Variants in VPS41 observed in about 807,000 individuals in gnomAD.
The protein encoded by VPS41 is VPS41 subunit of HOPS complex.
VPS41 carries 85 observed loss-of-function variants against 130.9 expected under a neutral mutation model. The observed-to-expected ratio is 0.65, with a 90% confidence interval of 0.55 to 0.78. VPS41 has a LOEUF of 0.78. VPS41 is among the 30% of genes least tolerant of loss of function. VPS41 has a pLI of 0.00. For synonymous variants in VPS41, 335 were observed against 332.9 expected, an observed-to-expected ratio of 1.01 and a Z score of -0.07; for missense variants, 874 against 1,018.7, an observed-to-expected ratio of 0.86 and a Z score of 1.93.
At chr7:38,869,748 CATAAAA>C (rs1786309389) in intron 2 of VPS41, among the ~76,000 whole-genome samples, 1 of 152,054 alleles carries the variant, frequency 6.6e-6, no homozygotes, top group East Asian at 1.9e-4. Context: ...AACAGAAGTT[CATAAAA>C]ATAATCTACT....
chr7:38,764,080 T>C (rs955143739), intron 16 of VPS41, among the ~76,000 whole-genome samples: 1 of 152,220 alleles, frequency 6.6e-6, no homozygotes, highest in Non-Finnish European at 1.5e-5. Flanking sequence ...CACTTTTTAC[T>C]GGGGACAGAC....
chr7:38,783,316 C>A (rs2115907319), intron 10 of VPS41, among the ~76,000 whole-genome samples: 1 of 152,032 alleles, frequency 6.6e-6, no homozygotes, highest in Non-Finnish European at 1.5e-5. Context: ...GCAGGTGGAT[C>A]ACAAGGTCAG....
chr7:38,844,166 A>C (rs1317854597), intron 4 of VPS41, among the ~76,000 whole-genome samples: 1 of 152,248 alleles, frequency 6.6e-6, no homozygotes, highest in Non-Finnish European at 1.5e-5. Flanking sequence ...ACAAGAGTGC[A>C]CAAATGCTCC....
At chr7:38,763,640 T>G in intron 16 of VPS41, 93 bp from the exon 17 acceptor site, 1 of 775,022 alleles carries the variant, frequency 1.3e-6, no homozygotes, top group Non-Finnish European at 2.0e-6. Context: ...ATATTTTTAC[T>G]TTAAAAATGT....
At chr7:38,784,735 C>A (rs1784409210) in intron 10 of VPS41, among the ~76,000 whole-genome samples, 1 of 152,172 alleles carries the variant, frequency 6.6e-6, no homozygotes, top group African/African-American at 2.4e-5. Flanking sequence ...TTGGCAAGAA[C>A]AGAAGTGAGG....
chr7:38,880,162 G>C (rs7776996), intron 2 of VPS41, among the ~76,000 whole-genome samples: 95,641 of 151,930 alleles, frequency 0.63, 31,477 homozygotes, highest in East Asian at 0.89. Flanking sequence ...CAGTGAATGT[G>C]AAATACTAAA....
At chr7:38,731,876 C>A (rs1346130131) in intron 25 of VPS41, among the ~76,000 whole-genome samples, 2 of 152,166 alleles carry the variant, frequency 1.3e-5, no homozygotes, top group African/African-American at 4.8e-5. Context: ...AGATCTCATT[C>A]CAGAAAATAA....
intron 1 of VPS41, among the ~76,000 whole-genome samples, chr7:38,901,901 T>G (rs1465565223): frequency 6.6e-6 from 1 of 152,184 alleles, no homozygotes; most frequent in African/African-American, 2.4e-5. Context: ...TTTTAATGGT[T>G]AAAATGGTAA....
rs562453269 is a variant in VPS41 at position 38,781,836 on chromosome 7, C to T, written c.785-5060G>A. On this transcript the variant is annotated intron_variant, in intron 10 of 28. Coordinates refer to ENST00000310301, the MANE Select transcript of VPS41 (RefSeq NM_014396.4). Reference sequence around the variant, plus strand: ...ATTTTCAAATTCTGATTTCTTACATCACTTTTTAAAGATGTCTTATAGCTC... The same window carrying T: ...ATTTTCAAATTCTGATTTCTTACATTACTTTTTAAAGATGTCTTATAGCTC... Among the ~76,000 whole-genome samples, 6 of 152,302 alleles carry T rather than the reference C, an allele frequency of 3.9e-5. 1 individual carries two copies. Among genetic ancestry groups the T allele is most frequent in the African/African-American group, 1.4e-4 (6 of 41,564 alleles).
chr7:38,874,837 T>A, intron 2 of VPS41, among the ~76,000 whole-genome samples: 1 of 152,168 alleles, frequency 6.6e-6, no homozygotes, highest in South Asian at 2.1e-4. Flanking sequence ...CTATGGGGAA[T>A]TGAAATATCC....
At chr7:38,870,324 A>C (rs1562617545) in intron 2 of VPS41, among the ~76,000 whole-genome samples, 1 of 152,174 alleles carries the variant, frequency 6.6e-6, no homozygotes, top group Non-Finnish European at 1.5e-5. Context: ...GAAAAATGCA[A>C]ACCAGCTGCC....
intron 2 of VPS41, among the ~76,000 whole-genome samples, chr7:38,897,461 C>T (rs1162589097): frequency 2.0e-5 from 3 of 151,540 alleles, no homozygotes; most frequent in Non-Finnish European, 2.9e-5. Context: ...CTGGCTAACA[C>T]GGTGAAACCC....
chr7:38,822,385 A>G (rs978711310), intron 5 of VPS41, among the ~76,000 whole-genome samples: 2 of 152,184 alleles, frequency 1.3e-5, no homozygotes, highest in East Asian at 1.9e-4. Context: ...ACTGGCATGG[A>G]TAAGTTGTGC....
At chr7:38,908,577 T>A (rs1787319774) in intron 1 of VPS41, among the ~76,000 whole-genome samples, 1 of 152,150 alleles carries the variant, frequency 6.6e-6, no homozygotes. Context: ...ATTACCCCCA[T>A]CTCACACTGG....
At chr7:38,786,664 A>C (rs1377005134) in intron 10 of VPS41, among the ~76,000 whole-genome samples, 1 of 152,238 alleles carries the variant, frequency 6.6e-6, no homozygotes, top group African/African-American at 2.4e-5. Flanking sequence ...AAAAAATTCA[A>C]TGCAGAACAG....
intron 17 of VPS41, 26 bp from the exon 18 acceptor site, chr7:38,758,507 A>G: frequency 6.3e-7 from 1 of 1,598,116 alleles, no homozygotes; most frequent in African/African-American, 1.4e-5. Flanking sequence ...AAACAGAAAA[A>G]GAACACTCAT....
intron 4 of VPS41, among the ~76,000 whole-genome samples, chr7:38,846,396 A>AC (rs1785724395): frequency 2.8e-5 from 2 of 70,294 alleles, no homozygotes; most frequent in Non-Finnish European, 4.5e-5. Context: ...ACTCTTCTGC[A>AC]TGAGTCATCA....
chr7:38,800,225 A>G (rs970486951), intron 7 of VPS41, among the ~76,000 whole-genome samples: 4 of 152,224 alleles, frequency 2.6e-5, no homozygotes, highest in Non-Finnish European at 4.4e-5. Context: ...ATGTATCTTC[A>G]TTAACAGAAA....
intron 2 of VPS41, among the ~76,000 whole-genome samples, chr7:38,892,582 A>C (rs1335119932): frequency 1.3e-5 from 2 of 152,250 alleles, no homozygotes; most frequent in African/African-American, 2.4e-5. Flanking sequence ...GGACTTAAAA[A>C]ATAAAATTCC....
Sources: allele counts gnomAD v4.1 joint callset (sites outside exome capture counted in the v4.1 genomes callset), GRCh38; gene constraint gnomAD v4.1.1; transcripts MANE v1.5; gene names NCBI Gene and HGNC (gene_info 2026-07-23, HGNC 2026-07-21).